Variants in DDX19B observed in about 807,000 individuals in gnomAD.
The protein encoded by DDX19B is DEAD-box helicase 19B, also known as ATP-dependent RNA helicase DDX19B.
In DDX19B, 27 loss-of-function variants were observed where a neutral mutation model predicts 58.1. The observed-to-expected ratio is 0.46, with a 90% CI of 0.34 to 0.64. DDX19B has a LOEUF of 0.64. Among genes scored for constraint, DDX19B ranks in the 30% least tolerant of loss-of-function variants. The pLI is 0.01. For synonymous variants in DDX19B, 187 were observed against 214.4 expected (o/e 0.87, Z 1.12); for missense variants, 399 against 596.5 (o/e 0.67, Z 3.45).
intron 1 of DDX19B, among the ~76,000 whole-genome samples, chr16:70,304,989 G>A (rs1390487051): frequency 2.6e-5 from 4 of 151,886 alleles, no homozygotes; most frequent in East Asian, 3.8e-4. Flanking sequence ...CATGTGAGGC[G>A]TGTTTTATCC....
chr16:70,328,112 C>T (rs1963277588), intron 7 of DDX19B, among the ~76,000 whole-genome samples: 1 of 151,442 alleles, frequency 6.6e-6, no homozygotes, highest in African/African-American at 2.4e-5. Flanking sequence ...CGAGATTGCA[C>T]CACTGTACTC....
At chr16:70,327,597 A>G (rs1211893217) in intron 7 of DDX19B, among the ~76,000 whole-genome samples, 1 of 150,624 alleles carries the variant, frequency 6.6e-6, no homozygotes, top group Non-Finnish European at 1.5e-5. Flanking sequence ...GTGTCTTGCT[A>G]TGTTGCCCAA....
At chr16:70,322,412 G>A (rs376154654) in intron 5 of DDX19B, among the ~76,000 whole-genome samples, 12 of 151,858 alleles carry the variant, frequency 7.9e-5, no homozygotes, top group Middle Eastern at 3.4e-3. Flanking sequence ...CCAACATGGC[G>A]AAACCCATCT....
intron 3 of DDX19B, 62 bp from the exon 4 acceptor site, chr16:70,315,907 G>A: frequency 6.3e-7 from 1 of 1,575,664 alleles, no homozygotes; most frequent in South Asian, 1.2e-5. Flanking sequence ...AGTTGAATTA[G>A]AGTAAACGCC....
At chr16:70,322,485 G>C (rs764917070) in intron 5 of DDX19B, among the ~76,000 whole-genome samples, 1 of 151,696 alleles carries the variant, frequency 6.6e-6, no homozygotes, top group Non-Finnish European at 1.5e-5. Flanking sequence ...CTACTCAGGA[G>C]GCTGAGGCTC....
At chr16:70,331,625 C>T in intron 9 of DDX19B, 97 bp from the exon 10 acceptor site, 3 of 1,464,620 alleles carry the variant, frequency 2.0e-6, no homozygotes, top group South Asian at 2.8e-5. Context: ...TTAGCAGGGC[C>T]TTCATGTATT....
Position 70,317,162 on chromosome 16 carries a change from C to T in DDX19B, c.297-334C>T, listed in dbSNP as rs554901742. On this transcript the variant is annotated intron_variant, in intron 4 of 11. Transcript: ENST00000288071. Reference sequence around the variant, plus strand: ...GACGGAGGTTGCAGTGAGCCGAGATCGCGCCACTGCACTCCAGCCTGGGTG... The same window carrying T: ...GACGGAGGTTGCAGTGAGCCGAGATTGCGCCACTGCACTCCAGCCTGGGTG... 42 of 155,230 alleles carry T rather than the reference C, an allele frequency of 2.7e-4. 1 individual carries two copies. Among genetic ancestry groups the T allele is most frequent in the South Asian group, 1.5e-3 (8 of 5,500 alleles). 9.6% of individuals were successfully genotyped at this position (155,230 alleles called of 1,614,324 possible).
upstream of DDX19B, among the ~76,000 whole-genome samples, chr16:70,295,349 C>T (rs1273911376): frequency 6.6e-6 from 1 of 152,104 alleles, no homozygotes; most frequent in East Asian, 1.9e-4. Flanking sequence ...TCACGACTCA[C>T]TGCAGCCTTG....
chr16:70,317,777 A>C (rs553609314), intron 5 of DDX19B, 189 bp downstream of exon 5: 17 of 380,482 alleles, frequency 4.5e-5, no homozygotes, highest in East Asian at 1.9e-4. Flanking sequence ...GTCTCAACAA[A>C]AAAAAAAACG....
chr16:70,299,735 C>A (rs1003732555), intron 1 of DDX19B, among the ~76,000 whole-genome samples: 2 of 152,024 alleles, frequency 1.3e-5, no homozygotes, highest in Non-Finnish European at 1.5e-5. Context: ...TTCAAAGCAC[C>A]AGGATTACAG....
chr16:70,327,458 G>A (rs1422529800), intron 7 of DDX19B, among the ~76,000 whole-genome samples: 5 of 152,012 alleles, frequency 3.3e-5, no homozygotes, highest in Non-Finnish European at 7.4e-5. Flanking sequence ...ACTTGAACCC[G>A]GGAGGTGGAG....
upstream of DDX19B, chr16:70,295,037 C>T: frequency 7.6e-7 from 1 of 1,319,022 alleles, no homozygotes; most frequent in Non-Finnish European, 9.7e-7. Flanking sequence ...AAGGTCTTAG[C>T]CTTGTGATCT....
At position 70,314,806 on chromosome 16, in the gene DDX19B, C is replaced by A. The variant is rs540107451; in HGVS notation, c.107-96C>A. ...CCTCATTTATTTTTTGCTCCCCAGGCCTTTACAAAAACTTCTAGTGTCATA... is the reference window on the plus strand; with the variant it reads ...CCTCATTTATTTTTTGCTCCCCAGGACTTTACAAAAACTTCTAGTGTCATA... On this transcript the variant is annotated intron_variant, in intron 2 of 11. Transcript: ENST00000288071. The A allele has an allele frequency of 6.0e-5, 81 of 1,342,174 alleles. No individual in the cohort carries two copies. In the Middle Eastern group the frequency reaches 1.1e-3, roughly 18 times the overall value. The allele number at this position is 1,342,174 out of a possible 1,614,324, so 83.1% of individuals were successfully genotyped here. A position where few individuals can be genotyped will look rare whatever the true frequency, so the allele number is the denominator to read the frequency against.
chr16:70,330,180 T>C, intron 9 of DDX19B, 112 bp downstream of exon 9: 1 of 1,294,334 alleles, frequency 7.7e-7, no homozygotes, highest in Non-Finnish European at 1.1e-6. Context: ...AAGTGGTTTG[T>C]TCTCCTAAGG....
upstream of DDX19B, among the ~76,000 whole-genome samples, chr16:70,293,532 T>C (rs972853454): frequency 2.0e-5 from 3 of 151,656 alleles, no homozygotes; most frequent in African/African-American, 7.3e-5. Context: ...TAGCTACTTT[T>C]AGCATCTATA....
At chr16:70,310,433 T>C (rs1213457019) in intron 1 of DDX19B, among the ~76,000 whole-genome samples, 1 of 151,680 alleles carries the variant, frequency 6.6e-6, no homozygotes, top group East Asian at 1.9e-4. Flanking sequence ...CTCAGCTACT[T>C]GGGAGGCTAA....
upstream of DDX19B, among the ~76,000 whole-genome samples, chr16:70,297,712 T>C (rs146704624): frequency 6.6e-6 from 1 of 152,080 alleles, no homozygotes; most frequent in Admixed American, 6.5e-5. Flanking sequence ...GCCCAAGATA[T>C]TTCTTCCTAT....
At chr16:70,327,648 C>A (rs192311731) in intron 7 of DDX19B, among the ~76,000 whole-genome samples, 22 of 151,768 alleles carry the variant, frequency 1.4e-4, no homozygotes, top group Non-Finnish European at 3.1e-4. Context: ...CCTCCTGCCT[C>A]GTCCCCTCAA....
chr16:70,333,141 A>G lies in DDX19B; in HGVS notation c.1360A>G (p.Arg454Gly). The G allele has an allele frequency of 1.3e-6, 2 of 1,488,188 alleles. No individual in the cohort carries two copies. Among genetic ancestry groups the G allele is most frequent in the East Asian group, 2.4e-5 (1 of 40,980 alleles). 92.2% of individuals were successfully genotyped at this position (1,488,188 alleles called of 1,614,324 possible). A position where few individuals can be genotyped will look rare whatever the true frequency, so the allele number is the denominator to read the frequency against. Residue 454 changes from arginine (R) to glycine (G), a missense_variant, in exon 11 of 12, where the codon AGA becomes GGA. Arg to Gly is a moderately radical substitution (Grantham distance 125). Transcript: ENST00000288071. Reference protein sequence around the residue: ...DSKHSMNILNRIQEHFNKKIE... With the variant: ...DSKHSMNILNGIQEHFNKKIE... ...CAAGCACAGCATGAACATCCTGAAC[A>G]GAATCCAGGAGCATTTTAGTGAGTC...
Sources: allele counts gnomAD v4.1 joint callset (sites outside exome capture counted in the v4.1 genomes callset), GRCh38; gene constraint gnomAD v4.1.1; transcripts MANE v1.5; gene names NCBI Gene and HGNC (gene_info 2026-07-23, HGNC 2026-07-21).